The following TENM3 variants were observed in gnomAD, a reference collection of about 807,000 sequenced individuals.
The protein encoded by TENM3 is teneurin transmembrane protein 3.
TENM3 carries 63 observed loss-of-function variants against 255.1 expected under a neutral mutation model. The ratio of observed to expected loss-of-function variants is 0.25; its 90% CI spans 0.20 to 0.30. The LOEUF is 0.30. Among genes scored for constraint, TENM3 ranks in the 10% least tolerant of loss-of-function variants. The pLI is 1.00. For missense variants in TENM3, 2,929 were observed against 3,461.1 expected, an observed-to-expected ratio of 0.85 and a Z score of 3.86; for synonymous variants, 1,306 against 1,322.3, an observed-to-expected ratio of 0.99 and a Z score of 0.27.
At chr4:182,203,689 A>G (rs981499186) in intron 1 of TENM3, among the ~76,000 whole-genome samples, 1 of 151,872 alleles carries the variant, frequency 6.6e-6, no homozygotes, top group African/African-American at 2.4e-5. Flanking sequence ...GAGTAGGGAG[A>G]GTTTTGGTGG....
the TENM3 span, among the ~76,000 whole-genome samples, chr4:181,657,555 G>T: frequency 2.0e-5 from 3 of 152,292 alleles, no homozygotes; most frequent in Non-Finnish European, 4.4e-5. Flanking sequence ...ATGTGAATTA[G>T]TTCGGCCACT....
At chr4:181,844,892 A>C in the TENM3 span, among the ~76,000 whole-genome samples, 1 of 152,168 alleles carries the variant, frequency 6.6e-6, no homozygotes, top group African/African-American at 2.4e-5. Flanking sequence ...TTGTACTCTT[A>C]CATTATGTAT....
At chr4:181,990,449 G>A in the TENM3 span, among the ~76,000 whole-genome samples, 2 of 152,026 alleles carry the variant, frequency 1.3e-5, no homozygotes, top group Non-Finnish European at 2.9e-5. Flanking sequence ...TCCTCAATCA[G>A]ACCTAATAGA....
intron 3 of TENM3, among the ~76,000 whole-genome samples, chr4:182,541,372 GA>G (rs1225981799): frequency 6.6e-6 from 1 of 152,168 alleles, no homozygotes; most frequent in African/African-American, 2.4e-5. Context: ...CCTCAAAATA[GA>G]GAGCAGAATG....
the TENM3 span, chr4:182,084,785 A>G: frequency 6.6e-6 from 1 of 152,200 alleles, no homozygotes; most frequent in Admixed American, 6.5e-5. Flanking sequence ...GTGGATTAAT[A>G]AGATTTATGT....
At chr4:181,463,787 T>C in the TENM3 span, among the ~76,000 whole-genome samples, 1 of 152,088 alleles carries the variant, frequency 6.6e-6, no homozygotes, top group Admixed American at 6.6e-5. Flanking sequence ...AACCCTGTAG[T>C]TTTTAGCAGT....
chr4:181,778,607 T>G, the TENM3 span, among the ~76,000 whole-genome samples: 1 of 152,170 alleles, frequency 6.6e-6, no homozygotes, highest in Non-Finnish European at 1.5e-5. Context: ...ACTTTATTAG[T>G]CAGTTTTGCC....
At chr4:182,058,262 C>T in the TENM3 span, among the ~76,000 whole-genome samples, 1 of 151,724 alleles carries the variant, frequency 6.6e-6, no homozygotes, top group African/African-American at 2.4e-5. Flanking sequence ...GGGCTGTAGA[C>T]AGTCGTATGG....
chr4:182,735,425 C>G (rs1761089815), intron 16 of TENM3, among the ~76,000 whole-genome samples: 1 of 152,126 alleles, frequency 6.6e-6, no homozygotes, highest in Non-Finnish European at 1.5e-5. Context: ...ACCCTCAGTA[C>G]AAGGGGTCTT....
At chr4:181,531,476 G>C in the TENM3 span, among the ~76,000 whole-genome samples, 1 of 152,114 alleles carries the variant, frequency 6.6e-6, no homozygotes, top group Non-Finnish European at 1.5e-5. Context: ...CCTCTGGAAG[G>C]CAGGGTGATT....
chr4:182,021,904 A>G, the TENM3 span, among the ~76,000 whole-genome samples: 1 of 152,234 alleles, frequency 6.6e-6, no homozygotes, highest in Middle Eastern at 3.2e-3. Context: ...TATACTGGCA[A>G]GGCTGCAGAG....
At chr4:181,965,924 T>C in the TENM3 span, among the ~76,000 whole-genome samples, 2 of 152,212 alleles carry the variant, frequency 1.3e-5, no homozygotes, top group Non-Finnish European at 2.9e-5. Context: ...GCCTGATCTA[T>C]CCATTAGAAA....
chr4:182,402,507 A>G (rs1029622028), intron 3 of TENM3, among the ~76,000 whole-genome samples: 1 of 152,208 alleles, frequency 6.6e-6, no homozygotes, highest in Non-Finnish European at 1.5e-5. Context: ...AGCCAGCCAT[A>G]AAAATAAACA....
chr4:181,982,666 A>T, the TENM3 span, among the ~76,000 whole-genome samples: 2 of 152,146 alleles, frequency 1.3e-5, no homozygotes, highest in African/African-American at 4.8e-5. Flanking sequence ...GGAGTAATTT[A>T]CACACTGGAA....
intron 2 of TENM3, among the ~76,000 whole-genome samples, chr4:182,340,400 A>T (rs1764415540): frequency 6.6e-6 from 1 of 152,140 alleles, no homozygotes; most frequent in Non-Finnish European, 1.5e-5. Context: ...GGGTTTCAAT[A>T]TGTGGTTATG....
At chr4:181,728,989 T>C in the TENM3 span, among the ~76,000 whole-genome samples, 35 of 152,322 alleles carry the variant, frequency 2.3e-4, no homozygotes, top group South Asian at 1.0e-3. Context: ...TCATTCAGTA[T>C]AACAATCAAT....
intron 24 of TENM3, among the ~76,000 whole-genome samples, chr4:182,781,779 T>C (rs2152810872): frequency 6.7e-6 from 1 of 149,278 alleles, no homozygotes; most frequent in East Asian, 2.0e-4. Context: ...TGGTTTAGTC[T>C]TGGGAGAGTG....
chr4:182,792,370 C>A lies in TENM3; in HGVS notation c.5698C>A (p.His1900Asn). ...SAITMPSVAR[H>N]TMQTIRSIGY... ...CATCACCATGCCCAGTGTGGCTCGC[C>A]ACACCATGCAGACCATCCGATCCAT... is the stretch of plus-strand genomic sequence containing the variant. The change falls in exon 26 of 28, where the codon CAC (histidine) becomes AAC (asparagine). Residue 1900 changes from histidine (H) to asparagine (N), a missense_variant. His to Asn is a moderately conservative substitution (Grantham distance 68). Coordinates refer to ENST00000511685, the MANE Select transcript of TENM3 (RefSeq NM_001080477.4). The surrounding 1 kb of genome is among the most constrained non-coding windows in gnomAD (Gnocchi z 6.3). 1 of 1,613,976 alleles carries A rather than the reference C, an allele frequency of 6.2e-7. No homozygotes were observed. The highest frequency in any genetic ancestry group is 8.5e-7 in the Non-Finnish European group (1 of 1,179,902).
At position 182,690,112 on chromosome 4, in the gene TENM3, A is replaced by G. The variant is rs1438028240; in HGVS notation, c.2221+1761A>G. ...GGGAACATCCAAATTTCCAGATGCCAGCCAAGGGCCAGCCCGCCAAAATCC... is the reference window on the plus strand; with the variant it reads ...GGGAACATCCAAATTTCCAGATGCCGGCCAAGGGCCAGCCCGCCAAAATCC... On this transcript the variant is annotated intron_variant, in intron 12 of 27. Coordinates refer to ENST00000511685, the MANE Select transcript of TENM3 (RefSeq NM_001080477.4). 6.6e-5 allele frequency among the ~76,000 whole-genome samples: 10 copies of G among 151,922 alleles called. 1 individual carries two copies. The South Asian group carries it at 1.0e-3, about 16-fold the overall frequency.
Sources: gnomAD v4.1 joint callset for allele counts (sites outside exome capture counted in the v4.1 genomes callset) on GRCh38, gnomAD v4.1.1 for gene constraint, Gnocchi (gnomAD v3.1) non-coding constraint, MANE v1.5 for transcripts, NCBI Gene and HGNC (gene_info 2026-07-23, HGNC 2026-07-21) for gene names.